The following COBLL1 variants were observed in gnomAD, a reference collection of about 807,000 sequenced individuals.
COBLL1 encodes the protein cordon-bleu WH2 repeat protein like 1.
COBLL1 carries 50 observed loss-of-function variants against 94.8 expected under a neutral mutation model. The observed-to-expected ratio is 0.53, with a 90% CI of 0.42 to 0.67. COBLL1 has a LOEUF of 0.67. Among genes scored for constraint, COBLL1 ranks in the 30% least tolerant of loss-of-function variants. The pLI is 0.00. For synonymous variants in COBLL1, 448 were observed against 473.8 expected, an observed-to-expected ratio of 0.95 and a Z score of 0.71; for missense variants, 1,362 against 1,348.7, an observed-to-expected ratio of 1.01 and a Z score of -0.15.
chr2:164,714,536 C>T (rs1439404191), intron 7 of COBLL1, among the ~76,000 whole-genome samples: 1 of 151,998 alleles, frequency 6.6e-6, no homozygotes, highest in Admixed American at 6.6e-5. Flanking sequence ...TAGAAGTTAA[C>T]CGAGTTTAGG....
chr2:164,835,000 T>C (rs553153725), intron 2 of COBLL1, among the ~76,000 whole-genome samples: 9 of 152,008 alleles, frequency 5.9e-5, no homozygotes, highest in Non-Finnish European at 1.3e-4. Context: ...AACATAAACG[T>C]TGGTGAAGAG....
At chr2:164,769,519 G>A (rs1441574586) in intron 2 of COBLL1, among the ~76,000 whole-genome samples, 1 of 152,082 alleles carries the variant, frequency 6.6e-6, no homozygotes, top group Admixed American at 6.6e-5. Context: ...TTATATTCCT[G>A]TTTGTGTAAA....
At chr2:164,773,702 C>T (rs1437790069) in intron 2 of COBLL1, 1 of 1,228,944 alleles carries the variant, frequency 8.1e-7, no homozygotes. Context: ...AACGTATTTA[C>T]TTACAACTGT....
rs974019274 is a variant in COBLL1 at position 164,684,149 on chromosome 2, AT to A, written c.*1796del. On this transcript the variant is annotated 3_prime_UTR_variant, in exon 14 of 14. Coordinates refer to ENST00000652658, the MANE Select transcript of COBLL1 (RefSeq NM_001365672.2). ...CATGTTTTTAACTTGTATTTCCCTG[AT>A]TATCAGTGAAGAGTATTTTTTTTCC... 2.6e-5 allele frequency: 4 copies of A among 151,982 alleles called. No individual in the cohort carries two copies. The highest frequency in any genetic ancestry group is 5.9e-5 in the Non-Finnish European group (4 of 67,962). The allele number at this position is 151,982 out of a possible 1,614,324, so 9.4% of individuals were successfully genotyped here.
chr2:164,765,959 C>T (rs1338738387), intron 2 of COBLL1, among the ~76,000 whole-genome samples: 1 of 152,066 alleles, frequency 6.6e-6, no homozygotes, highest in Non-Finnish European at 1.5e-5. Context: ...CTAACCCTAA[C>T]CAACCTCCAG....
chr2:164,667,407 C>T (rs1691178863), intron 1 of COBLL1, among the ~76,000 whole-genome samples: 1 of 152,200 alleles, frequency 6.6e-6, no homozygotes, highest in African/African-American at 2.4e-5. Flanking sequence ...AGAGAGTCAG[C>T]CTGTTCACTG....
intron 2 of COBLL1, among the ~76,000 whole-genome samples, chr2:164,823,893 T>G (rs1052350890): frequency 6.6e-6 from 1 of 152,124 alleles, no homozygotes; most frequent in Non-Finnish European, 1.5e-5. Context: ...AATGATTTCA[T>G]TGGAAACTGC....
Position 164,670,469 on chromosome 2 carries a change from A to G in COBLL1, n.127-4568T>C, listed in dbSNP as rs150017287. Among the ~76,000 whole-genome samples, 920 of 152,336 alleles carry G rather than the reference A, an allele frequency of 6.0e-3. 4 individuals are homozygous for G. The highest frequency in any genetic ancestry group is 0.021 in the African/African-American group (871 of 41,574). ...TTCTAGCTAACAATGAATAATAGCA[A>G]TCTTATTGCTCACTCTTGTGAATTA... On this transcript the variant is annotated intron_variant and non_coding_transcript_variant, in intron 1 of 2. Transcript: ENST00000495084.
chr2:164,746,144 CAA>C (rs1225275663), intron 2 of COBLL1, among the ~76,000 whole-genome samples: 5 of 152,156 alleles, frequency 3.3e-5, no homozygotes, highest in African/African-American at 9.7e-5. Flanking sequence ...AATCCATCTA[CAA>C]ATTCCGCCAG....
intron 2 of COBLL1, among the ~76,000 whole-genome samples, chr2:164,754,975 T>A (rs1307986025): frequency 1.3e-5 from 2 of 151,956 alleles, no homozygotes; most frequent in Non-Finnish European, 2.9e-5. Flanking sequence ...AGAGCCTGGA[T>A]GACATAATAA....
At chr2:164,773,764 A>C (rs1456264344) in intron 2 of COBLL1, 2 of 1,296,924 alleles carry the variant, frequency 1.5e-6, no homozygotes, top group Non-Finnish European at 2.0e-6. Flanking sequence ...TTACTTTTAG[A>C]GAATGCTGAA....
At chr2:164,811,580 ATC>A (rs1684459147) in intron 2 of COBLL1, among the ~76,000 whole-genome samples, 1 of 151,962 alleles carries the variant, frequency 6.6e-6, no homozygotes, top group Non-Finnish European at 1.5e-5. Flanking sequence ...GGATTCCAGT[ATC>A]TCTCTCAATT....
chr2:164,693,012 A>G (rs1033564584), intron 12 of COBLL1, among the ~76,000 whole-genome samples: 5 of 152,168 alleles, frequency 3.3e-5, no homozygotes, highest in Non-Finnish European at 7.4e-5. Context: ...AGACTAAAAA[A>G]TTTAATTACG....
At position 164,712,203 on chromosome 2, in the gene COBLL1, A is replaced by T. The variant is rs138684866; in HGVS notation, c.997-7098T>A. On this transcript the variant is annotated intron_variant, in intron 7 of 13. Transcript: ENST00000652658. Reference sequence around the variant, plus strand: ...ACTTATTAATCATAGTTGAATTATAAAAAGTGGGTCATTGAAATTGACGTA... The same window carrying T: ...ACTTATTAATCATAGTTGAATTATATAAAGTGGGTCATTGAAATTGACGTA... 3.1e-3 allele frequency among the ~76,000 whole-genome samples: 477 copies of T among 152,274 alleles called. 2 individuals are homozygous for T. Among genetic ancestry groups the T allele is most frequent in the Middle Eastern group, 0.017 (5 of 294 alleles).
intron 5 of COBLL1, chr2:164,724,190 TC>T (rs2105505277): frequency 6.6e-6 from 1 of 152,320 alleles, no homozygotes; most frequent in South Asian, 2.1e-4. Flanking sequence ...CAATAGACTT[TC>T]ACCATTTTTC....
intron 2 of COBLL1, among the ~76,000 whole-genome samples, chr2:164,767,253 T>C (rs1484977429): frequency 6.6e-6 from 1 of 152,208 alleles, no homozygotes; most frequent in Non-Finnish European, 1.5e-5. Flanking sequence ...TTTAAATAAG[T>C]TCATTTTTTG....
At chr2:164,812,896 G>GT (rs1684528070) in intron 2 of COBLL1, among the ~76,000 whole-genome samples, 1 of 151,902 alleles carries the variant, frequency 6.6e-6, no homozygotes, top group African/African-American at 2.4e-5. Context: ...TACTTTCCCC[G>GT]TAAGTATGGC....
chr2:164,808,200 C>T lies in COBLL1; in HGVS notation c.41+32956G>A, dbSNP rs555515021. On this transcript the variant is annotated intron_variant, in intron 2 of 13. Transcript: ENST00000652658. ...ATTTGTGTAAATGAACTAGACTTTC[C>T]TTCTGACCCAATCTGTAATTAGTTT... 6.6e-5 allele frequency among the ~76,000 whole-genome samples: 10 copies of T among 152,258 alleles called. No individual in the cohort carries two copies. In the South Asian group the frequency reaches 1.0e-3, roughly 16 times the overall value.
chr2:164,796,228 C>T (rs1412517213), intron 2 of COBLL1, among the ~76,000 whole-genome samples: 3 of 152,070 alleles, frequency 2.0e-5, no homozygotes, highest in African/African-American at 7.2e-5. Context: ...CGGGGCATAA[C>T]CAAATGCAAA....
Sources: gnomAD v4.1 joint callset for allele counts (sites outside exome capture counted in the v4.1 genomes callset) on GRCh38, gnomAD v4.1.1 for gene constraint, MANE v1.5 for transcripts, NCBI Gene and HGNC (gene_info 2026-07-23, HGNC 2026-07-21) for gene names.